Variants in SLC14A2 observed in about 807,000 individuals in gnomAD.
SLC14A2 encodes solute carrier family 14 member 2, also known as urea transporter 2.
SLC14A2 carries 91 observed loss-of-function variants against 104.6 expected under a neutral mutation model. That is an observed-to-expected ratio of 0.87 (90% CI 0.73 to 1.04). The LOEUF is 1.04. Ranked by LOEUF, SLC14A2 falls within the 50% of genes least tolerant of loss-of-function variation. SLC14A2 has a pLI of 0.00. For missense variants in SLC14A2, 1,189 were observed against 1,156.0 expected, an observed-to-expected ratio of 1.03 and a Z score of -0.41; for synonymous variants, 476 against 466.4, an observed-to-expected ratio of 1.02 and a Z score of -0.27.
chr18:45,583,364 C>T (rs1218772922), intron 2 of SLC14A2, among the ~76,000 whole-genome samples: 1 of 152,220 alleles, frequency 6.6e-6, no homozygotes, highest in Non-Finnish European at 1.5e-5. Flanking sequence ...ATCTCACCCT[C>T]ATCCAAGCAC....
chr18:45,521,228 G>T (rs1281833365), intron 2 of SLC14A2, among the ~76,000 whole-genome samples: 1 of 152,216 alleles, frequency 6.6e-6, no homozygotes, highest in Admixed American at 6.5e-5. Context: ...ACATCATCTT[G>T]ATTATCCTTA....
chr18:45,408,296 T>C (rs2086178590), intron 1 of SLC14A2, among the ~76,000 whole-genome samples: 1 of 152,200 alleles, frequency 6.6e-6, no homozygotes, highest in South Asian at 2.1e-4. Flanking sequence ...TTCAAAATAT[T>C]ATATTTGCTA....
intron 1 of SLC14A2, among the ~76,000 whole-genome samples, chr18:45,367,335 A>G (rs944075562): frequency 5.9e-5 from 9 of 152,322 alleles, no homozygotes; most frequent in African/African-American, 2.2e-4. Context: ...CCTATAGGTT[A>G]TGGAAGAATG....
chr18:45,517,029 T>C (rs1431341957), intron 2 of SLC14A2, among the ~76,000 whole-genome samples: 1 of 152,212 alleles, frequency 6.6e-6, no homozygotes, highest in African/African-American at 2.4e-5. Context: ...CTGTGTGCTG[T>C]CTGTGAACTG....
At chr18:45,512,138 A>C (rs1433947623) in intron 2 of SLC14A2, among the ~76,000 whole-genome samples, 7 of 152,236 alleles carry the variant, frequency 4.6e-5, no homozygotes, top group Admixed American at 3.9e-4. Context: ...ATGCATGTAC[A>C]GGAGCACATT....
chr18:45,472,691 T>C (rs989087055), intron 1 of SLC14A2, among the ~76,000 whole-genome samples: 2 of 152,256 alleles, frequency 1.3e-5, no homozygotes, highest in African/African-American at 2.4e-5. Context: ...GAAGTGTCTG[T>C]CCATATCCTT....
intron 1 of SLC14A2, among the ~76,000 whole-genome samples, chr18:45,335,311 T>A (rs935383514): frequency 6.6e-5 from 10 of 152,250 alleles, no homozygotes; most frequent in African/African-American, 1.9e-4. Context: ...CTTCTTTTAT[T>A]TCTTTTTGTC....
intron 1 of SLC14A2, among the ~76,000 whole-genome samples, chr18:45,267,595 C>T (rs1414724192): frequency 1.3e-5 from 2 of 152,298 alleles, no homozygotes; most frequent in Middle Eastern, 3.4e-3. Flanking sequence ...GTGCCAGGCA[C>T]TAAGATATCA....
At chr18:45,527,984 A>C (rs1393002439) in intron 2 of SLC14A2, 1 of 152,108 alleles carries the variant, frequency 6.6e-6, no homozygotes, top group Non-Finnish European at 1.5e-5. Flanking sequence ...GTGTGTGTAC[A>C]TGTGTGTAAA....
At chr18:45,487,766 C>T (rs2087637601) in intron 2 of SLC14A2, among the ~76,000 whole-genome samples, 1 of 152,148 alleles carries the variant, frequency 6.6e-6, no homozygotes, top group Admixed American at 6.6e-5. Flanking sequence ...GGGATGGCCT[C>T]TCAGAGTTAT....
At chr18:45,654,258 T>C (rs2045792925) in intron 10 of SLC14A2, among the ~76,000 whole-genome samples, 1 of 151,968 alleles carries the variant, frequency 6.6e-6, no homozygotes, top group African/African-American at 2.4e-5. Context: ...CGCAAGCTAG[T>C]GAATTTATAG....
At chr18:45,335,080 C>G (rs750477802) in intron 1 of SLC14A2, among the ~76,000 whole-genome samples, 4 of 152,094 alleles carry the variant, frequency 2.6e-5, no homozygotes, top group Non-Finnish European at 5.9e-5. Flanking sequence ...ATGCAATTTG[C>G]TACCATCACC....
At chr18:45,405,159 A>C (rs959800171) in intron 1 of SLC14A2, among the ~76,000 whole-genome samples, 5 of 152,040 alleles carry the variant, frequency 3.3e-5, no homozygotes, top group Admixed American at 3.3e-4. Flanking sequence ...GTTGCAGAAC[A>C]CTCCCCAGGG....
At chr18:45,487,663 G>A (rs919577049) in intron 2 of SLC14A2, among the ~76,000 whole-genome samples, 4 of 152,156 alleles carry the variant, frequency 2.6e-5, no homozygotes, top group African/African-American at 9.7e-5. Flanking sequence ...CACTGCAGAG[G>A]AGTGGAATTA....
intron 1 of SLC14A2, among the ~76,000 whole-genome samples, chr18:45,313,512 C>A (rs375690342): frequency 9.1e-4 from 138 of 152,262 alleles, no homozygotes; most frequent in African/African-American, 3.1e-3. Flanking sequence ...ATTATATAGA[C>A]CTAATGAGAG....
At chr18:45,628,376 G>A (rs926852663) in intron 4 of SLC14A2, among the ~76,000 whole-genome samples, 8 of 151,606 alleles carry the variant, frequency 5.3e-5, no homozygotes, top group South Asian at 2.1e-4. Flanking sequence ...CCCGGGAGGC[G>A]GAGGTTGCAG....
At chr18:45,276,011 A>G (rs1367218396) in intron 1 of SLC14A2, among the ~76,000 whole-genome samples, 1 of 152,232 alleles carries the variant, frequency 6.6e-6, no homozygotes, top group Non-Finnish European at 1.5e-5. Flanking sequence ...ATCTAAGTCA[A>G]AAGACGAAAT....
At chr18:45,300,928 A>G (rs1568142168) in intron 1 of SLC14A2, among the ~76,000 whole-genome samples, 1 of 152,222 alleles carries the variant, frequency 6.6e-6, no homozygotes, top group Non-Finnish European at 1.5e-5. Flanking sequence ...AGATGTGTGC[A>G]TGAATATCTC....
chr18:45,523,415 C>T (rs952765913), intron 2 of SLC14A2, among the ~76,000 whole-genome samples: 19 of 151,670 alleles, frequency 1.3e-4, no homozygotes, highest in South Asian at 4.2e-4. Context: ...CTGCAACCTC[C>T]GGCTCCCTAG....
Sources: gnomAD v4.1 joint callset for allele counts (sites outside exome capture counted in the v4.1 genomes callset) on GRCh38, gnomAD v4.1.1 for gene constraint, MANE v1.5 for transcripts, NCBI Gene and HGNC (gene_info 2026-07-23, HGNC 2026-07-21) for gene names.